Variants in RCAN2 observed in about 807,000 individuals in gnomAD.
The protein encoded by RCAN2 is regulator of calcineurin 2.
RCAN2 carries 9 observed loss-of-function variants against 23.6 expected under a neutral mutation model. That is an observed-to-expected ratio of 0.38 (90% CI 0.23 to 0.67). The LOEUF is 0.67. Among genes scored for constraint, RCAN2 ranks in the 30% least tolerant of loss-of-function variants. RCAN2 has a pLI of 0.51. For missense variants in RCAN2, 273 were observed against 302.3 expected, an observed-to-expected ratio of 0.90 and a Z score of 0.72; for synonymous variants, 109 against 115.7, an observed-to-expected ratio of 0.94 and a Z score of 0.37.
At position 46,221,426 on chromosome 6, in the gene RCAN2, A is replaced by C. The variant is rs1765473121; in HGVS notation, c.*1715T>G. On this transcript the variant is annotated 3_prime_UTR_variant, in exon 5 of 5. Coordinates refer to ENST00000371374, the MANE Select transcript of RCAN2 (RefSeq NM_001251974.2). Reference sequence around the variant, plus strand: ...TGTAGTCGTTTATCATCAATGAAAAACCAAAAACCTCCACAGCAAAGGAAA... The same window carrying C: ...TGTAGTCGTTTATCATCAATGAAAACCCAAAAACCTCCACAGCAAAGGAAA... The C allele has an allele frequency of 6.5e-6, 1 of 152,680 alleles. No homozygotes were observed. Among genetic ancestry groups the C allele is most frequent in the South Asian group, 2.1e-4 (1 of 4,826 alleles). The allele number at this position is 152,680 out of a possible 1,614,324, so 9.5% of individuals were successfully genotyped here.
chr6:46,275,979 G>T (rs987674779), intron 2 of RCAN2, among the ~76,000 whole-genome samples: 1 of 152,146 alleles, frequency 6.6e-6, no homozygotes, highest in Non-Finnish European at 1.5e-5. Context: ...AGGCCAAGGG[G>T]GGTGGATCAC....
At chr6:46,479,656 C>T (rs1253254065) in intron 1 of RCAN2, among the ~76,000 whole-genome samples, 1 of 147,228 alleles carries the variant, frequency 6.8e-6, no homozygotes. Context: ...GGCGTGAGCT[C>T]ACTGCAGCCT....
chr6:46,480,092 C>T (rs1307856451), intron 1 of RCAN2, among the ~76,000 whole-genome samples: 1 of 152,154 alleles, frequency 6.6e-6, no homozygotes, highest in Non-Finnish European at 1.5e-5. Context: ...AAAGCGGGCC[C>T]CACAAATGCC....
At chr6:46,487,304 C>T (rs1441569712) in intron 1 of RCAN2, among the ~76,000 whole-genome samples, 3 of 152,152 alleles carry the variant, frequency 2.0e-5, no homozygotes, top group Admixed American at 1.3e-4. Flanking sequence ...TTCAGAGATG[C>T]ACATTTTGGA....
At chr6:46,239,872 C>A (rs943427448) in intron 4 of RCAN2, among the ~76,000 whole-genome samples, 2 of 151,946 alleles carry the variant, frequency 1.3e-5, no homozygotes, top group African/African-American at 4.8e-5. Context: ...ATTTAGGACC[C>A]AAAGTACTTT....
Position 46,289,555 on chromosome 6 carries a change from C to T in RCAN2, c.226-40659G>A, listed in dbSNP as rs149662505. On this transcript the variant is annotated intron_variant, in intron 2 of 4. Transcript: ENST00000371374. ...GGCTGAATATGAGGACAATGGGTAT[C>T]ACGCAGATACTTCTTCACAGACAGT... 3.2e-4 allele frequency among the ~76,000 whole-genome samples: 48 copies of T among 152,272 alleles called. No homozygotes were observed. The East Asian group carries it at 8.1e-3, about 26-fold the overall frequency.
chr6:46,231,171 A>G (rs1342471521), intron 4 of RCAN2, among the ~76,000 whole-genome samples: 1 of 152,204 alleles, frequency 6.6e-6, no homozygotes, highest in African/African-American at 2.4e-5. Flanking sequence ...CAATACGACT[A>G]GCACCCTTAT....
intron 2 of RCAN2, among the ~76,000 whole-genome samples, chr6:46,354,718 T>TA (rs987651987): frequency 3.3e-5 from 5 of 152,238 alleles, no homozygotes; most frequent in Non-Finnish European, 7.3e-5. Flanking sequence ...TTAAGTGCTT[T>TA]AAAATCTCAC....
intron 2 of RCAN2, among the ~76,000 whole-genome samples, chr6:46,331,244 C>T (rs1763960735): frequency 6.6e-6 from 1 of 151,872 alleles, no homozygotes; most frequent in Admixed American, 6.6e-5. Flanking sequence ...TTCCTGGCCT[C>T]AAGTGATCCT....
intron 1 of RCAN2, among the ~76,000 whole-genome samples, chr6:46,479,859 G>T (rs1768809667): frequency 6.6e-6 from 1 of 152,110 alleles, no homozygotes; most frequent in Non-Finnish European, 1.5e-5. Context: ...GGGATTACAG[G>T]TGTGAGCCAC....
At chr6:46,433,268 T>A (rs1423065035) in intron 2 of RCAN2, among the ~76,000 whole-genome samples, 1 of 152,150 alleles carries the variant, frequency 6.6e-6, no homozygotes, top group African/African-American at 2.4e-5. Context: ...CAGTATAGTA[T>A]AACCAGTGGT....
At chr6:46,321,332 G>A (rs77338954) in intron 2 of RCAN2, among the ~76,000 whole-genome samples, 3,107 of 152,246 alleles carry the variant, frequency 0.02, 112 homozygotes, top group African/African-American at 0.071. Context: ...TATATGCTCC[G>A]TGAGGGCAGG....
intron 2 of RCAN2, among the ~76,000 whole-genome samples, chr6:46,397,854 G>A (rs987135509): frequency 4.6e-5 from 7 of 152,040 alleles, no homozygotes; most frequent in East Asian, 1.9e-4. Flanking sequence ...TAATTAACAC[G>A]TGAAAAAATC....
Position 46,476,005 on chromosome 6 carries a change from A to G in RCAN2, c.-3+15168T>C, listed in dbSNP as rs144718655. ...GGAACATGTAGGTGGACTAAGTAAC[A>G]CTGGTGAAGAAGGGGTAGTAGATAA... On this transcript the variant is annotated intron_variant, in intron 1 of 4. Transcript: ENST00000371374. Among the ~76,000 whole-genome samples, 83 of 152,304 alleles carry G rather than the reference A, an allele frequency of 5.4e-4. 1 individual carries two copies. In the East Asian group the frequency reaches 0.015, roughly 27 times the overall value.
chr6:46,257,742 C>T (rs754105987), intron 2 of RCAN2, among the ~76,000 whole-genome samples: 1 of 152,068 alleles, frequency 6.6e-6, no homozygotes, highest in African/African-American at 2.4e-5. Context: ...GGACGAGGAG[C>T]CAAACCATAT....
At chr6:46,462,035 C>T (rs1768231969) in intron 1 of RCAN2, among the ~76,000 whole-genome samples, 2 of 152,176 alleles carry the variant, frequency 1.3e-5, no homozygotes, top group Admixed American at 6.5e-5. Flanking sequence ...CAAGAGCAAG[C>T]CAATGGCAGA....
intron 2 of RCAN2, among the ~76,000 whole-genome samples, chr6:46,290,004 GCAGC>G (rs1762494093): frequency 6.6e-6 from 1 of 152,156 alleles, no homozygotes; most frequent in Admixed American, 6.5e-5. Context: ...GACAAGTGAA[GCAGC>G]CAACTTGGAC....
chr6:46,278,342 C>T (rs775338316), intron 2 of RCAN2, among the ~76,000 whole-genome samples: 3 of 151,904 alleles, frequency 2.0e-5, no homozygotes, highest in Admixed American at 6.6e-5. Context: ...GCATATCTTA[C>T]GACATTTTCT....
chr6:46,232,790 C>CAAAAAA (rs35457944), intron 4 of RCAN2, among the ~76,000 whole-genome samples: 1 of 89,188 alleles, frequency 1.1e-5, no homozygotes, highest in African/African-American at 4.6e-5. Context: ...AAGACTGTCT[C>CAAAAAA]AAAAAAAAAA....
Sources: allele counts gnomAD v4.1 joint callset (sites outside exome capture counted in the v4.1 genomes callset), GRCh38; gene constraint gnomAD v4.1.1; transcripts MANE v1.5; gene names NCBI Gene and HGNC (gene_info 2026-07-23, HGNC 2026-07-21).